Variants in PTPRG observed in about 807,000 individuals in gnomAD.
PTPRG encodes the protein receptor-type tyrosine-protein phosphatase gamma.
Under a neutral mutation model 165.3 loss-of-function variants are expected in PTPRG, and 102 were observed. That is an observed-to-expected ratio of 0.62 (90% CI 0.53 to 0.73). The LOEUF (loss-of-function observed/expected upper bound fraction) is 0.73, where lower values mean the gene tolerates loss of function less well. PTPRG is among the 30% of genes least tolerant of loss of function. The probability of loss-of-function intolerance (pLI) is 0.00; values close to 1 mark genes in which losing one functional copy is unlikely to be tolerated. For missense variants in PTPRG, 1,866 were observed against 1,861.4 expected, an observed-to-expected ratio of 1.00 and a Z score of -0.05; for synonymous variants, 675 against 669.5, an observed-to-expected ratio of 1.01 and a Z score of -0.13.
chr3:61,934,821 A>C (rs2039445950), intron 2 of PTPRG, among the ~76,000 whole-genome samples: 1 of 152,128 alleles, frequency 6.6e-6, no homozygotes, highest in Admixed American at 6.5e-5. Context: ...ATTTTGTTGA[A>C]ATAAATTGAC....
chr3:61,737,116 A>G (rs1019662785), intron 1 of PTPRG, among the ~76,000 whole-genome samples: 1 of 151,844 alleles, frequency 6.6e-6, no homozygotes, highest in Non-Finnish European at 1.5e-5. Context: ...TTTGAACCCT[A>G]TCATCTCTCC....
intron 4 of PTPRG, among the ~76,000 whole-genome samples, chr3:62,043,305 T>G (rs1249526702): frequency 6.6e-6 from 1 of 152,240 alleles, no homozygotes; most frequent in Non-Finnish European, 1.5e-5. Context: ...TTTCATATCC[T>G]ATTTTCTCTT....
intron 1 of PTPRG, among the ~76,000 whole-genome samples, chr3:61,695,422 C>T (rs1159547803): frequency 6.6e-6 from 1 of 152,132 alleles, no homozygotes; most frequent in Non-Finnish European, 1.5e-5. Context: ...GGTGGACCAC[C>T]ATTGGTTAGG....
chr3:61,654,124 T>G (rs1017801957), intron 1 of PTPRG, among the ~76,000 whole-genome samples: 11 of 152,096 alleles, frequency 7.2e-5, no homozygotes, highest in African/African-American at 2.4e-4. Flanking sequence ...CTTATAGTGT[T>G]GTGGTGAGAA....
At chr3:62,083,252 C>T (rs1170600128) in intron 5 of PTPRG, among the ~76,000 whole-genome samples, 2 of 143,742 alleles carry the variant, frequency 1.4e-5, no homozygotes, top group African/African-American at 5.6e-5. Context: ...GCGGTTTTTG[C>T]CATTACTTTT....
At chr3:62,060,973 T>C (rs1337591960) in intron 4 of PTPRG, among the ~76,000 whole-genome samples, 1 of 152,182 alleles carries the variant, frequency 6.6e-6, no homozygotes, top group African/African-American at 2.4e-5. Flanking sequence ...TATGGATGCA[T>C]CCTAATTTAT....
At chr3:61,658,213 A>G (rs1702562283) in intron 1 of PTPRG, among the ~76,000 whole-genome samples, 1 of 152,154 alleles carries the variant, frequency 6.6e-6, no homozygotes, top group Non-Finnish European at 1.5e-5. Context: ...CAGAATAGGA[A>G]TGTTCTGGCC....
intron 4 of PTPRG, among the ~76,000 whole-genome samples, chr3:62,047,120 C>T (rs867257752): frequency 6.6e-6 from 1 of 152,140 alleles, no homozygotes; most frequent in Non-Finnish European, 1.5e-5. Flanking sequence ...CATAGTCTTT[C>T]TGGTTAAAAC....
chr3:61,590,879 G>A (rs2106821275), intron 1 of PTPRG, among the ~76,000 whole-genome samples: 1 of 152,226 alleles, frequency 6.6e-6, no homozygotes, highest in African/African-American at 2.4e-5. Flanking sequence ...AGCACTTTGG[G>A]ATGCCAGATC....
At chr3:61,627,360 G>C (rs1051264860) in intron 1 of PTPRG, among the ~76,000 whole-genome samples, 1 of 152,070 alleles carries the variant, frequency 6.6e-6, no homozygotes, top group Non-Finnish European at 1.5e-5. Flanking sequence ...AATTGTTGAG[G>C]GTAAGGGAAT....
At chr3:61,896,532 A>G (rs1419240013) in intron 2 of PTPRG, among the ~76,000 whole-genome samples, 1 of 152,194 alleles carries the variant, frequency 6.6e-6, no homozygotes, top group African/African-American at 2.4e-5. Flanking sequence ...AGGTTTTTCT[A>G]TGAACCTACA....
At chr3:62,111,097 A>G (rs1249213382) in intron 5 of PTPRG, among the ~76,000 whole-genome samples, 4 of 152,192 alleles carry the variant, frequency 2.6e-5, no homozygotes, top group African/African-American at 7.2e-5. Flanking sequence ...CTCTTCATAC[A>G]TGTACACTGT....
At chr3:61,964,662 A>T (rs1417154817) in intron 2 of PTPRG, among the ~76,000 whole-genome samples, 7 of 152,056 alleles carry the variant, frequency 4.6e-5, no homozygotes, top group Admixed American at 1.3e-4. Context: ...TCTTGTCTTT[A>T]TTGCCTTCAC....
At chr3:62,079,702 A>G (rs537257166) in intron 5 of PTPRG, among the ~76,000 whole-genome samples, 1 of 152,328 alleles carries the variant, frequency 6.6e-6, no homozygotes, top group East Asian at 1.9e-4. Context: ...ACAATAGAGC[A>G]TAGTGTTTTA....
intron 6 of PTPRG, among the ~76,000 whole-genome samples, chr3:62,151,550 T>A (rs1427175452): frequency 6.6e-6 from 1 of 151,716 alleles, no homozygotes; most frequent in African/African-American, 2.4e-5. Flanking sequence ...AAATATAATA[T>A]TGTCTGCATA....
chr3:62,164,574 T>C (rs745868980), intron 7 of PTPRG, among the ~76,000 whole-genome samples: 12 of 152,318 alleles, frequency 7.9e-5, no homozygotes, highest in Non-Finnish European at 1.6e-4. Flanking sequence ...GACAATATAA[T>C]ATCATTCAGG....
At chr3:61,634,551 T>G (rs76665255) in intron 1 of PTPRG, among the ~76,000 whole-genome samples, 129 of 149,588 alleles carry the variant, frequency 8.6e-4, no homozygotes, top group African/African-American at 3.0e-3. Context: ...GTGTGTGTGT[T>G]TTTTTTTTAA....
chr3:62,230,770 G>A (rs370792827), intron 13 of PTPRG, among the ~76,000 whole-genome samples: 3 of 152,284 alleles, frequency 2.0e-5, no homozygotes, highest in South Asian at 4.1e-4. Flanking sequence ...GACAAAACCC[G>A]AAATGTGTCT....
intron 2 of PTPRG, among the ~76,000 whole-genome samples, chr3:61,754,484 C>T (rs1424385425): frequency 6.6e-6 from 1 of 152,120 alleles, no homozygotes; most frequent in African/African-American, 2.4e-5. Context: ...AGTGTAGAAT[C>T]CTTGAAGACA....
Sources: gnomAD v4.1 joint callset for allele counts (sites outside exome capture counted in the v4.1 genomes callset) on GRCh38, gnomAD v4.1.1 for gene constraint, MANE v1.5 for transcripts, NCBI Gene and HGNC (gene_info 2026-07-23, HGNC 2026-07-21) for gene names.